Variants in TRMT9B observed in about 807,000 individuals in gnomAD.
TRMT9B encodes probable tRNA methyltransferase 9B.
Under a neutral mutation model 11.5 loss-of-function variants are expected in TRMT9B, and 16 were observed. That is an observed-to-expected ratio of 1.39 (90% CI 0.94 to 2.11). TRMT9B has a LOEUF of 2.11. Ranked by LOEUF, TRMT9B falls within the 30% of genes most tolerant of loss-of-function variation. The pLI, the probability that TRMT9B is intolerant of heterozygous loss-of-function variation, is 0.00. For missense variants in TRMT9B, 941 were observed against 553.8 expected, an observed-to-expected ratio of 1.70 and a Z score of -7.02; for synonymous variants, 274 against 192.4, an observed-to-expected ratio of 1.42 and a Z score of -3.51.
intron 1 of TRMT9B, among the ~76,000 whole-genome samples, chr8:12,990,483 T>C (rs1023477354): frequency 6.6e-6 from 1 of 152,202 alleles, no homozygotes; most frequent in Admixed American, 6.5e-5. Context: ...TGTACTGGAA[T>C]GATTTAGTAC....
chr8:13,012,876 ACATT>A lies in TRMT9B; in HGVS notation c.328+22_328+25del. On this transcript the variant is annotated intron_variant, in intron 4 of 4. Coordinates refer to ENST00000524591, the MANE Select transcript of TRMT9B (RefSeq NM_020844.3). ...ATAGGAGGTAAGGCAGCCAGATCAC[ACATT>A]CACCCTTTGCCATGAGAATAATTGA... is the stretch of plus-strand genomic sequence containing the variant. 1 of 1,611,352 alleles carries A rather than the reference ACATT, an allele frequency of 6.2e-7. No individual in the cohort carries two copies. Among genetic ancestry groups the A allele is most frequent in the Non-Finnish European group, 8.5e-7 (1 of 1,178,690 alleles).
intron 1 of TRMT9B, among the ~76,000 whole-genome samples, chr8:12,971,614 A>T (rs575301425): frequency 7.3e-4 from 111 of 152,330 alleles, no homozygotes; most frequent in African/African-American, 2.5e-3. Context: ...AACTTGCCCT[A>T]ATCTGCAAGA....
intron 1 of TRMT9B, among the ~76,000 whole-genome samples, chr8:12,948,677 A>C (rs1800384344): frequency 6.6e-6 from 1 of 151,936 alleles, no homozygotes; most frequent in South Asian, 2.1e-4. Flanking sequence ...AAAAAAACAG[A>C]AGGCCAGGCA....
In TRMT9B at chr8:13,026,456, G is replaced by C. The variant is rs1814701120; in HGVS notation, c.*4412G>C. Reference sequence around the variant, plus strand: ...TTATAAATATATAAGGGGGAAAGGGGTGGGGGGGAGGGGTTGTGCGGCTGG... The same window carrying C: ...TTATAAATATATAAGGGGGAAAGGGCTGGGGGGGAGGGGTTGTGCGGCTGG... On this transcript the variant is annotated 3_prime_UTR_variant, in exon 5 of 5. Transcript: ENST00000524591. 6.0e-6 allele frequency: 1 copy of C among 165,908 alleles called. No homozygotes were observed. Among genetic ancestry groups the C allele is most frequent in the Non-Finnish European group, 1.5e-5 (1 of 68,020 alleles). 10.3% of individuals were successfully genotyped at this position (165,908 alleles called of 1,614,324 possible).
Position 13,012,656 on chromosome 8 carries a change from G to A in TRMT9B, c.155-28G>A, listed in dbSNP as rs779749025. 1.8e-5 allele frequency: 29 copies of A among 1,587,230 alleles called. No individual in the cohort carries two copies. The East Asian group carries it at 2.7e-4, about 15-fold the overall frequency. ...TATTTCACATTTTCCATTGAGGATA[G>A]CATGTAACGCAGGTTTTTCTCTTAT... On this transcript the variant is annotated intron_variant, in intron 3 of 4. Transcript: ENST00000524591.
intron 3 of TRMT9B, among the ~76,000 whole-genome samples, chr8:13,010,013 C>A (rs924575162): frequency 1.3e-5 from 2 of 151,764 alleles, no homozygotes; most frequent in African/African-American, 2.4e-5. Flanking sequence ...ATACACGTGC[C>A]TGTAGTCTCA....
At chr8:13,001,690 T>G (rs1809484633) in intron 2 of TRMT9B, among the ~76,000 whole-genome samples, 1 of 152,066 alleles carries the variant, frequency 6.6e-6, no homozygotes, top group South Asian at 2.1e-4. Context: ...AAAAGCGAGA[T>G]TTTTGAAACA....
At chr8:12,972,417 A>G (rs568975096) in intron 1 of TRMT9B, among the ~76,000 whole-genome samples, 1 of 152,266 alleles carries the variant, frequency 6.6e-6, no homozygotes, top group South Asian at 2.1e-4. Flanking sequence ...AGGGGTGTGC[A>G]AAAGAGCTAG....
At chr8:12,954,855 G>A (rs557707857) in intron 1 of TRMT9B, among the ~76,000 whole-genome samples, 1 of 152,240 alleles carries the variant, frequency 6.6e-6, no homozygotes, top group African/African-American at 2.4e-5. Context: ...ACTCAAAGAA[G>A]ACATTTTAAG....
chr8:12,992,264 CTT>C (rs2128879587), intron 2 of TRMT9B, among the ~76,000 whole-genome samples: 1 of 152,240 alleles, frequency 6.6e-6, no homozygotes, highest in East Asian at 1.9e-4. Context: ...CGTCCAAAAA[CTT>C]ATAATCTATT....
chr8:12,963,848 C>G (rs1304539940), intron 1 of TRMT9B, among the ~76,000 whole-genome samples: 2 of 152,210 alleles, frequency 1.3e-5, no homozygotes, highest in Non-Finnish European at 2.9e-5. Context: ...TTTATTTAAA[C>G]TAGGCTGCAG....
intron 4 of TRMT9B, among the ~76,000 whole-genome samples, chr8:13,016,644 T>C (rs1296962125): frequency 6.6e-6 from 1 of 151,758 alleles, no homozygotes; most frequent in African/African-American, 2.4e-5. Context: ...TTGTACTTAC[T>C]TTTGGAATAG....
chr8:12,986,984 G>A (rs1322595763), intron 1 of TRMT9B, among the ~76,000 whole-genome samples: 1 of 152,142 alleles, frequency 6.6e-6, no homozygotes, highest in Non-Finnish European at 1.5e-5. Context: ...TCTTCTTGTT[G>A]AAATAATTCA....
At chr8:12,975,434 G>C (rs529231716) in intron 1 of TRMT9B, among the ~76,000 whole-genome samples, 8 of 151,786 alleles carry the variant, frequency 5.3e-5, no homozygotes, top group African/African-American at 1.9e-4. Context: ...AAAAAAAAAA[G>C]CTTTTAAATT....
chr8:13,005,721 C>T (rs1337027809), intron 2 of TRMT9B, among the ~76,000 whole-genome samples: 1 of 152,084 alleles, frequency 6.6e-6, no homozygotes, highest in Non-Finnish European at 1.5e-5. Context: ...GAAATGGGCA[C>T]CTATACTAAA....
intron 3 of TRMT9B, chr8:13,011,770 A>T: frequency 1.0e-6 from 1 of 962,432 alleles, no homozygotes. Flanking sequence ...AGTTTTTATA[A>T]TCTGAGTTGT....
At chr8:12,981,357 C>A (rs1805356160) in intron 1 of TRMT9B, among the ~76,000 whole-genome samples, 1 of 152,106 alleles carries the variant, frequency 6.6e-6, no homozygotes, top group South Asian at 2.1e-4. Context: ...GGGGGTGGGA[C>A]ATCATGAGCA....
intron 3 of TRMT9B, among the ~76,000 whole-genome samples, chr8:13,007,954 A>C (rs1365459345): frequency 6.6e-6 from 1 of 152,240 alleles, no homozygotes; most frequent in African/African-American, 2.4e-5. Context: ...GAAATCGTAA[A>C]AGAATATACA....
Position 13,012,734 on chromosome 8 carries a change from G to T in TRMT9B, c.205G>T (p.Gly69Cys). The stretch of plus-strand genomic sequence containing the variant: ...AGTGAACAGCCAGGTACATACCGTG[G>T]GCTGTGACTACTGTGGGCCACTGGT... ...LKVNSQVHTV[G>C]CDYCGPLVEI... Residue 69 changes from glycine (G) to cysteine (C), a missense_variant, in exon 4 of 5, where the codon GGC (glycine) becomes TGC (cysteine). Coordinates refer to ENST00000524591, the MANE Select transcript of TRMT9B (RefSeq NM_020844.3). 6.2e-7 allele frequency: 1 copy of T among 1,613,976 alleles called. No homozygotes were observed.
Sources: allele counts gnomAD v4.1 joint callset (sites outside exome capture counted in the v4.1 genomes callset), GRCh38; gene constraint gnomAD v4.1.1; transcripts MANE v1.5; gene names NCBI Gene and HGNC (gene_info 2026-07-23, HGNC 2026-07-21).